SSC5D: variants seen among roughly 807,000 people sequenced by gnomAD.
SSC5D encodes the protein scavenger receptor cysteine rich family member with 5 domains.
SSC5D carries 106 observed loss-of-function variants against 104.6 expected under a neutral mutation model. That is an observed-to-expected ratio of 1.01 (90% CI 0.87 to 1.19). The LOEUF is 1.19. SSC5D is among the 50% of genes most tolerant of loss of function. SSC5D has a pLI of 0.00. For synonymous variants in SSC5D, 860 were observed against 883.5 expected (o/e 0.97, Z 0.47); for missense variants, 1,993 against 2,153.8 (o/e 0.93, Z 1.48).
chr19:55,502,150 C>A (rs983807848), intron 12 of SSC5D, among the ~76,000 whole-genome samples: 1 of 152,134 alleles, frequency 6.6e-6, no homozygotes, highest in Non-Finnish European at 1.5e-5. Flanking sequence ...CCTCCTGTCT[C>A]ACTCTCTCAA....
In SSC5D at chr19:55,498,098, G is replaced by A. The variant is rs11672130; in HGVS notation, c.1606G>A (p.Gly536Ser). 84,784 of 1,551,694 alleles carry A rather than the reference G, an allele frequency of 0.055. 2,577 individuals are homozygous for A. The highest frequency in any genetic ancestry group is 0.062 in the Non-Finnish European group (70,965 of 1,146,980). The change falls in exon 9 of 14, where the codon GGC (glycine) becomes AGC (serine). Residue 536 changes from glycine (G) to serine (S), a missense_variant. Physicochemically the swap from Gly to Ser is moderately conservative, Grantham distance 56. Coordinates refer to ENST00000389623, the MANE Select transcript of SSC5D (RefSeq NM_001144950.2). Reference sequence around the variant, plus strand: ...GGGCCCCATCTGGCTAGATGATGTGGGCTGTGTGGGGACCGAGGCTTCACT... The same window carrying A: ...GGGCCCCATCTGGCTAGATGATGTGAGCTGTGTGGGGACCGAGGCTTCACT... ...GAGPIWLDDV[G>S]CVGTEASLSD...
rs1056412208 is a variant in SSC5D, at chr19:55,489,348, C to T, written c.53-6C>T. On this transcript the variant is annotated splice_region_variant and splice_polypyrimidine_tract_variant and intron_variant, in intron 2 of 13. Coordinates refer to ENST00000389623, the MANE Select transcript of SSC5D (RefSeq NM_001144950.2). ...CCCCAGTCACAGCCATTCCTCCAAC[C>T]CTCAGAGCGCCTGCGCCTGGCCGAT... The T allele has an allele frequency of 6.9e-6, 10 of 1,440,334 alleles. No individual in the cohort carries two copies. In the African/African-American group the frequency reaches 1.5e-4, roughly 22 times the overall value. 89.2% of individuals were successfully genotyped at this position (1,440,334 alleles called of 1,614,324 possible). A position where few individuals can be genotyped will look rare whatever the true frequency, so the allele number is the denominator to read the frequency against.
At position 55,494,932 on chromosome 19, in the gene SSC5D, C is replaced by G. The variant is rs868215891; in HGVS notation, c.1387+149C>G. 1.2e-4 allele frequency: 109 copies of G among 920,280 alleles called. 1 individual carries two copies. The South Asian group carries it at 2.1e-3, about 17-fold the overall frequency. 57.0% of individuals were successfully genotyped at this position (920,280 alleles called of 1,614,324 possible). On this transcript the variant is annotated intron_variant, in intron 8 of 13. Transcript: ENST00000389623. Reference sequence around the variant, plus strand: ...CTCGCCCAGGACACTGAGCTGGGTTCAATGCTCTGCTGTTGCGTCTGGGAG... The same window carrying G: ...CTCGCCCAGGACACTGAGCTGGGTTGAATGCTCTGCTGTTGCGTCTGGGAG...
At chr19:55,514,960 C>T (rs1264323046) in intron 13 of SSC5D, among the ~76,000 whole-genome samples, 1 of 152,190 alleles carries the variant, frequency 6.6e-6, no homozygotes, top group Non-Finnish European at 1.5e-5. Context: ...TAAACTCGGA[C>T]AGCCTGCCTT....
intron 4 of SSC5D, 42 bp downstream of exon 4, chr19:55,490,037 C>A: frequency 1.4e-6 from 2 of 1,393,086 alleles, no homozygotes; most frequent in Non-Finnish European, 1.9e-6. Context: ...ACCCAGCGTG[C>A]CCTCCTGCCC....
intron 4 of SSC5D, 92 bp downstream of exon 4, chr19:55,490,087 A>G: frequency 2.0e-6 from 1 of 494,166 alleles, no homozygotes; most frequent in South Asian, 4.1e-5. Flanking sequence ...ACCCCCACCC[A>G]GCGTGCCCTC....
Position 55,513,143 on chromosome 19 carries a change from C to T in SSC5D, c.2918C>T (p.Pro973Leu), listed in dbSNP as rs1287905272. The change falls in exon 13 of 14, where the codon CCT (proline) becomes CTT (leucine). Residue 973 changes from proline to leucine, a missense_variant. Physicochemically the swap from Pro to Leu is moderately conservative, Grantham distance 98 (BLOSUM62 -3). Around this residue, in one of 6 missense-constraint regions of SSC5D, gnomAD observed 423 missense variants for 409.2 expected, o/e 1.03. Coordinates refer to ENST00000389623, the MANE Select transcript of SSC5D (RefSeq NM_001144950.2). ...GGCACCACCAGGAGCCCAGGCAGTCCTCCAACTCTGAGAGTCCATGGAGAC... is the reference window on the plus strand; with the variant it reads ...GGCACCACCAGGAGCCCAGGCAGTCTTCCAACTCTGAGAGTCCATGGAGAC... ...GAGTTRSPGSPPTLRVHGDTG... is the reference protein window; with the variant it reads ...GAGTTRSPGSLPTLRVHGDTG... The T allele has an allele frequency of 8.5e-6, 13 of 1,528,904 alleles. No homozygotes were observed. In the South Asian group the frequency reaches 1.5e-4, roughly 17 times the overall value. 94.7% of individuals were successfully genotyped at this position (1,528,904 alleles called of 1,614,324 possible).
chr19:55,497,561 A>G (rs1432464747), intron 8 of SSC5D, among the ~76,000 whole-genome samples: 1 of 152,196 alleles, frequency 6.6e-6, no homozygotes, highest in Non-Finnish European at 1.5e-5. Flanking sequence ...ACATACTGGT[A>G]TCTGTGTGAA....
chr19:55,505,551 G>T (rs1265302543), intron 12 of SSC5D, among the ~76,000 whole-genome samples: 1 of 151,750 alleles, frequency 6.6e-6, no homozygotes, highest in African/African-American at 2.4e-5. Flanking sequence ...CGCCAGCAGG[G>T]TGGTTCCCTT....
Position 55,500,773 on chromosome 19 carries a change from C to T in SSC5D, c.2586C>T (p.Asp862=). The change falls in exon 11 of 14, where the codon GAC becomes GAT. Residue 862 remains aspartate (D), a synonymous_variant. Transcript: ENST00000389623. The surrounding 1 kb of genome is among the most constrained non-coding windows in gnomAD (Gnocchi z 4.6). ...GGGCTTGGGGGAAGCACAACTGTGA[C>T]CACGAGGAAGACGTGGGGCTCACCT... is the stretch of plus-strand genomic sequence containing the variant. ...PSGAWGKHNC[D]HEEDVGLTCT... 1.3e-6 allele frequency: 2 copies of T among 1,550,918 alleles called. No homozygotes were observed. Among genetic ancestry groups the T allele is most frequent in the Non-Finnish European group, 1.7e-6 (2 of 1,146,432 alleles).
rs1187680991 is a variant in SSC5D at position 55,500,026 on chromosome 19, C to T, written c.1916C>T (p.Pro639Leu). 10 of 1,551,820 alleles carry T rather than the reference C, an allele frequency of 6.4e-6. No individual in the cohort carries two copies. Among genetic ancestry groups the T allele is most frequent in the Non-Finnish European group, 7.8e-6 (9 of 1,147,034 alleles). Reference sequence around the variant, plus strand: ...TGGGTGACAAAAAATGCAAAGAGACCAACCACTCAACCCCCAGTGATGCCA... The same window carrying T: ...TGGGTGACAAAAAATGCAAAGAGACTAACCACTCAACCCCCAGTGATGCCA... ...KKWVTKNAKR[P>L]TTQPPVMPTT... Residue 639 changes from proline (P) to leucine (L), a missense_variant, in exon 10 of 14, where the codon CCA (proline) becomes CTA (leucine). Around this residue, in one of 6 missense-constraint regions of SSC5D, gnomAD observed 1,101 missense variants for 1,085.0 expected, o/e 1.01. Transcript: ENST00000389623. The surrounding 1 kb of genome is among the most constrained non-coding windows in gnomAD (Gnocchi z 4.6).
chr19:55,488,498 C>A lies in SSC5D; in HGVS notation c.-92C>A. The stretch of plus-strand genomic sequence containing the variant: ...CGGGCCTGGGCGCCTCCAGCAGGCA[C>A]TTCCCTCCCTCCCTCTCTCCCCAGC... On this transcript the variant is annotated 5_prime_UTR_variant, in exon 1 of 14. Transcript: ENST00000389623. 9.4e-7 allele frequency: 1 copy of A among 1,066,070 alleles called. No individual in the cohort carries two copies. The highest frequency in any genetic ancestry group is 1.4e-6 in the Non-Finnish European group (1 of 714,746). 66.0% of individuals were successfully genotyped at this position (1,066,070 alleles called of 1,614,324 possible).
rs1987114228 is a variant in SSC5D at position 55,490,668 on chromosome 19, A to G, written c.587-104A>G. 3 of 1,317,908 alleles carry G rather than the reference A, an allele frequency of 2.3e-6. No individual in the cohort carries two copies. The East Asian group carries it at 7.8e-5, about 34-fold the overall frequency. 81.6% of individuals were successfully genotyped at this position (1,317,908 alleles called of 1,614,324 possible). A position where few individuals can be genotyped will look rare whatever the true frequency, so the allele number is the denominator to read the frequency against. On this transcript the variant is annotated intron_variant, in intron 5 of 13. Transcript: ENST00000389623. ...CACGGGCTGCCGGCGGACAGATCTCAGGCCACCGCTCCCTCAGGCCTGTTT... is the reference window on the plus strand; with the variant it reads ...CACGGGCTGCCGGCGGACAGATCTCGGGCCACCGCTCCCTCAGGCCTGTTT...
chr19:55,502,822 AT>A (rs111917530), intron 12 of SSC5D, among the ~76,000 whole-genome samples: 20 of 146,002 alleles, frequency 1.4e-4, no homozygotes, highest in East Asian at 2.0e-4. Context: ...TGCCTGGCTA[AT>A]TTTTTTTTTT....
intron 12 of SSC5D, chr19:55,504,274 T>C: frequency 4.7e-6 from 7 of 1,499,266 alleles, no homozygotes; most frequent in Non-Finnish European, 6.2e-6. Flanking sequence ...ACCCCTCCCG[T>C]AGGGTAGGGA....
chr19:55,505,615 C>T (rs974487536), intron 12 of SSC5D, among the ~76,000 whole-genome samples: 6 of 151,744 alleles, frequency 4.0e-5, no homozygotes, highest in African/African-American at 1.5e-4. Flanking sequence ...TTCTAGAGGC[C>T]ACCTACATTC....
At position 55,490,890 on chromosome 19, in the gene SSC5D, C is replaced by G; in HGVS notation, c.705C>G (p.Ala235=). 6.5e-7 allele frequency: 1 copy of G among 1,545,920 alleles called. No individual in the cohort carries two copies. The highest frequency in any genetic ancestry group is 8.7e-7 in the Non-Finnish European group (1 of 1,144,572). The change falls in exon 6 of 14, where the codon GCC becomes GCG. Residue 235 remains alanine, a synonymous_variant. Transcript: ENST00000389623. Reference sequence around the variant, plus strand: ...GGGACCTGCGCGACGCTGCTGTAGCCTGCCGGGAACTGGGCTGTGGGGGGG... The same window carrying G: ...GGGACCTGCGCGACGCTGCTGTAGCGTGCCGGGAACTGGGCTGTGGGGGGG... ...DGWDLRDAAV[A]CRELGCGGAL...
rs895875872 is a variant in SSC5D at position 55,489,451 on chromosome 19, C to G, written c.150C>G (p.Asp50Glu). 63 of 1,483,918 alleles carry G rather than the reference C, an allele frequency of 4.2e-5. No homozygotes were observed. The highest frequency in any genetic ancestry group is 5.1e-5 in the Non-Finnish European group (57 of 1,125,068). The allele number at this position is 1,483,918 out of a possible 1,614,324, so 91.9% of individuals were successfully genotyped here. The part of the protein sequence containing the change: ...RWGTVCDDGW[D>E]LRDAAVACRQ... ...GCACCGTGTGTGATGACGGCTGGGA[C>G]CTGCGCGATGCCGCCGTGGCCTGCC... The change falls in exon 3 of 14, where the codon GAC becomes GAG. Residue 50 changes from aspartate (D) to glutamate (E), a missense_variant. Physicochemically the swap from Asp to Glu is conservative, Grantham distance 45. Around this residue, in one of 6 missense-constraint regions of SSC5D, gnomAD observed 1,101 missense variants for 1,085.0 expected, o/e 1.01. Coordinates refer to ENST00000389623, the MANE Select transcript of SSC5D (RefSeq NM_001144950.2).
rs951616893 is a variant in SSC5D, at chr19:55,501,172, C to T, written c.2756C>T (p.Ser919Phe). ...WRTTRRPGSS[S>F]PAIRRLPDTG... ...ACCACCCGGCGCCCGGGTAGCTCCTCCCCAGCAATAAGGCGCCTGCCGGAC... is the reference window on the plus strand; with the variant it reads ...ACCACCCGGCGCCCGGGTAGCTCCTTCCCAGCAATAAGGCGCCTGCCGGAC... The change falls in exon 12 of 14, where the codon TCC becomes TTC. Residue 919 changes from serine (S) to phenylalanine (F), a missense_variant. Coordinates refer to ENST00000389623, the MANE Select transcript of SSC5D (RefSeq NM_001144950.2). 14 of 1,542,632 alleles carry T rather than the reference C, an allele frequency of 9.1e-6. No homozygotes were observed. Among genetic ancestry groups the T allele is most frequent in the African/African-American group, 8.3e-5 (6 of 72,690 alleles).
Sources: gnomAD v4.1 joint callset for allele counts (sites outside exome capture counted in the v4.1 genomes callset) on GRCh38, gnomAD v4.1.1 for gene constraint, gnomAD v4.1.1 regional missense constraint, Gnocchi (gnomAD v3.1) non-coding constraint, MANE v1.5 for transcripts, NCBI Gene and HGNC (gene_info 2026-07-23, HGNC 2026-07-21) for gene names.